KHDRBS3: variants seen among roughly 807,000 people sequenced by gnomAD.
The protein encoded by KHDRBS3 is KH domain-containing, RNA-binding, signal transduction-associated protein 3.
Under a neutral mutation model 45.6 loss-of-function variants are expected in KHDRBS3, and 23 were observed. The observed-to-expected ratio is 0.50, with a 90% CI of 0.36 to 0.72. The LOEUF is 0.72. Ranked by LOEUF, KHDRBS3 falls within the 30% of genes least tolerant of loss-of-function variation. KHDRBS3 has a pLI of 0.00. For synonymous variants in KHDRBS3, 162 were observed against 156.5 expected (o/e 1.04, Z -0.26); for missense variants, 352 against 424.8 (o/e 0.83, Z 1.51).
At chr8:135,532,973 C>T (rs764968256) in intron 2 of KHDRBS3, among the ~76,000 whole-genome samples, 14 of 151,958 alleles carry the variant, frequency 9.2e-5, no homozygotes, top group South Asian at 6.2e-4. Flanking sequence ...GAATGTAAAA[C>T]GGAGGATATA....
chr8:135,495,428 C>G (rs890515769), intron 1 of KHDRBS3, among the ~76,000 whole-genome samples: 1 of 152,138 alleles, frequency 6.6e-6, no homozygotes, highest in Middle Eastern at 3.2e-3. Context: ...TAAATGCAAG[C>G]AGTTAATTAC....
intron 7 of KHDRBS3, among the ~76,000 whole-genome samples, chr8:135,634,116 A>G (rs1174162324): frequency 6.6e-6 from 1 of 152,192 alleles, no homozygotes; most frequent in Admixed American, 6.5e-5. Flanking sequence ...TTAAAATAGG[A>G]TTCTGTTGTA....
At chr8:135,472,186 G>C (rs112892605) in intron 1 of KHDRBS3, among the ~76,000 whole-genome samples, 19 of 152,328 alleles carry the variant, frequency 1.2e-4, no homozygotes, top group Middle Eastern at 3.4e-3. Context: ...GGTGTACCAA[G>C]AGTGTTCACT....
chr8:135,629,406 A>G (rs1221317739), intron 7 of KHDRBS3, among the ~76,000 whole-genome samples: 2 of 152,242 alleles, frequency 1.3e-5, no homozygotes, highest in Admixed American at 6.5e-5. Flanking sequence ...AGCAGAAAGT[A>G]TAAGCCAGAT....
intron 5 of KHDRBS3, among the ~76,000 whole-genome samples, chr8:135,571,816 G>C (rs1189357490): frequency 6.6e-6 from 1 of 152,098 alleles, no homozygotes; most frequent in Non-Finnish European, 1.5e-5. Context: ...GTGTGGCCTT[G>C]GGGAGCTTGG....
At chr8:135,625,212 G>T in intron 7 of KHDRBS3, 1 of 1,409,154 alleles carries the variant, frequency 7.1e-7, no homozygotes, top group South Asian at 1.2e-5. Context: ...CCTCCTGTGG[G>T]CCTCCTTCAT....
downstream of KHDRBS3, among the ~76,000 whole-genome samples, chr8:135,649,391 T>C (rs1831383474): frequency 6.6e-6 from 1 of 152,372 alleles, no homozygotes; most frequent in South Asian, 2.1e-4. Context: ...GAGTGTTTTG[T>C]AACCTGAAAG....
At chr8:135,504,165 C>A (rs555862487) in intron 1 of KHDRBS3, among the ~76,000 whole-genome samples, 3 of 152,256 alleles carry the variant, frequency 2.0e-5, no homozygotes, top group South Asian at 4.1e-4. Context: ...TTTATTACTT[C>A]ATGTCTCACT....
intron 2 of KHDRBS3, among the ~76,000 whole-genome samples, chr8:135,536,919 C>T (rs1484749353): frequency 4.5e-5 from 6 of 133,106 alleles, no homozygotes; most frequent in African/African-American, 1.8e-4. Context: ...GAGATTGCGC[C>T]ACTGCAGTCC....
chr8:135,618,190 A>T (rs1366601982), intron 7 of KHDRBS3, among the ~76,000 whole-genome samples: 1 of 152,224 alleles, frequency 6.6e-6, no homozygotes, highest in African/African-American at 2.4e-5. Context: ...TATTTTTGCA[A>T]TAAGTGCCTG....
At chr8:135,489,869 T>G (rs1823053803) in intron 1 of KHDRBS3, among the ~76,000 whole-genome samples, 1 of 152,210 alleles carries the variant, frequency 6.6e-6, no homozygotes, top group African/African-American at 2.4e-5. Context: ...GTCCTAGGCC[T>G]TCACACTCAC....
At chr8:135,646,224 AG>A (rs1400829903) in intron 8 of KHDRBS3, among the ~76,000 whole-genome samples, 1 of 152,098 alleles carries the variant, frequency 6.6e-6, no homozygotes, top group Non-Finnish European at 1.5e-5. Context: ...ATGTTGCAGC[AG>A]GGATGTTAAC....
rs143154338 is a variant in KHDRBS3 at position 135,647,000 on chromosome 8, A to G, written c.957A>G (p.Glu319=). ...TCATCTTACTGATTGTAGGGCAAGAAGAGTGGACTAACTCAAGACACAAGG... is the reference window on the plus strand; with the variant it reads ...TCATCTTACTGATTGTAGGGCAAGAGGAGTGGACTAACTCAAGACACAAGG... ...SEETYDSYGQ[E]EWTNSRHKAP... Residue 319 remains glutamate (E), a synonymous_variant, in exon 9 of 9, where the codon GAA becomes GAG. Transcript: ENST00000355849. 104 of 1,580,364 alleles carry G rather than the reference A, an allele frequency of 6.6e-5. No individual in the cohort carries two copies. In the African/African-American group the frequency reaches 1.3e-3, roughly 19 times the overall value.
At chr8:135,597,977 T>A (rs1425382889) in intron 6 of KHDRBS3, among the ~76,000 whole-genome samples, 1 of 152,202 alleles carries the variant, frequency 6.6e-6, no homozygotes, top group African/African-American at 2.4e-5. Flanking sequence ...ACAAATGAAA[T>A]TCTACCTCAG....
intron 1 of KHDRBS3, among the ~76,000 whole-genome samples, chr8:135,470,307 G>GTT (rs144074964): frequency 4.6e-5 from 7 of 151,144 alleles, no homozygotes; most frequent in East Asian, 3.9e-4. Flanking sequence ...AGTTTTACTG[G>GTT]TTTTTTTTTG....
intron 7 of KHDRBS3, among the ~76,000 whole-genome samples, chr8:135,628,700 T>C (rs1262352754): frequency 2.0e-5 from 3 of 152,234 alleles, no homozygotes. Flanking sequence ...GGGTCATTTC[T>C]AAATCAGTCT....
chr8:135,602,279 T>G (rs998506478), intron 6 of KHDRBS3, among the ~76,000 whole-genome samples: 3 of 152,208 alleles, frequency 2.0e-5, no homozygotes, highest in Non-Finnish European at 4.4e-5. Context: ...CTTCCCTATA[T>G]GTTTCAAGCG....
At chr8:135,469,455 T>A (rs1194135181) in intron 1 of KHDRBS3, among the ~76,000 whole-genome samples, 1 of 148,856 alleles carries the variant, frequency 6.7e-6, no homozygotes, top group Non-Finnish European at 1.5e-5. Flanking sequence ...GCCAGGCTTA[T>A]TTTTTGTATT....
chr8:135,645,992 ATTTTTTTTTTT>A lies in KHDRBS3; in HGVS notation c.949+895_949+905del, dbSNP rs57082119. Among the ~76,000 whole-genome samples the A allele has an allele frequency of 3.4e-3, 344 of 100,724 alleles. 2 individuals carry two copies. Among genetic ancestry groups the A allele is most frequent in the African/African-American group, 0.013 (316 of 24,726 alleles). 66.1% of individuals were successfully genotyped at this position (100,724 alleles called of 152,430 possible). A position where few individuals can be genotyped will look rare whatever the true frequency, so the allele number is the denominator to read the frequency against. On this transcript the variant is annotated intron_variant, in intron 8 of 8. Coordinates refer to ENST00000355849, the MANE Select transcript of KHDRBS3 (RefSeq NM_006558.3). ...TGAAGCTGTGATGGCTGCACCTTGG[ATTTTTTTTTTT>A]TTTTTTTTTTTTTTTTTTTGTTATC...
Sources: allele counts gnomAD v4.1 joint callset (sites outside exome capture counted in the v4.1 genomes callset), GRCh38; gene constraint gnomAD v4.1.1; transcripts MANE v1.5; gene names NCBI Gene and HGNC (gene_info 2026-07-23, HGNC 2026-07-21).